FAM220A: variants seen among roughly 807,000 people sequenced by gnomAD.
FAM220A encodes protein FAM220A.
For synonymous variants in FAM220A, 141 were observed against 130.7 expected (o/e 1.08, Z -0.54); for missense variants, 392 against 321.6 (o/e 1.22, Z -1.68).
chr7:6,338,290 A>G (rs545557634), intron 1 of FAM220A, among the ~76,000 whole-genome samples: 1 of 152,302 alleles, frequency 6.6e-6, no homozygotes, highest in South Asian at 2.1e-4. Flanking sequence ...TGCTAGAGAT[A>G]TATTGTACCA....
At chr7:6,335,931 G>T (rs1378241133) in intron 1 of FAM220A, among the ~76,000 whole-genome samples, 3 of 152,024 alleles carry the variant, frequency 2.0e-5, no homozygotes, top group Admixed American at 2.0e-4. Flanking sequence ...CCAGCACTCT[G>T]GGAGGCCAAG....
At chr7:6,337,315 T>C (rs958734511) in intron 1 of FAM220A, among the ~76,000 whole-genome samples, 3 of 151,990 alleles carry the variant, frequency 2.0e-5, no homozygotes, top group Non-Finnish European at 4.4e-5. Context: ...AGATATGGGG[T>C]TTTACCATGA....
intron 1 of FAM220A, among the ~76,000 whole-genome samples, chr7:6,339,157 C>T (rs1304022137): frequency 6.6e-6 from 1 of 152,178 alleles, no homozygotes; most frequent in Admixed American, 6.6e-5. Context: ...CTGCTACTCG[C>T]CACTTGGCAC....
At chr7:6,342,125 C>G (rs748169394) in intron 1 of FAM220A, among the ~76,000 whole-genome samples, 2 of 152,168 alleles carry the variant, frequency 1.3e-5, no homozygotes, top group East Asian at 3.8e-4. Context: ...GTTCTAGGTG[C>G]TGGTATTAGG....
intron 1 of FAM220A, among the ~76,000 whole-genome samples, chr7:6,337,022 G>A (rs1029498472): frequency 6.6e-6 from 1 of 151,884 alleles, no homozygotes; most frequent in South Asian, 2.1e-4. Context: ...ATCCTTAAAC[G>A]GAAGGATTCC....
chr7:6,344,496 C>T (rs941893641), intron 1 of FAM220A, among the ~76,000 whole-genome samples: 6 of 152,066 alleles, frequency 3.9e-5, no homozygotes, highest in African/African-American at 1.2e-4. Context: ...AATTATAGCT[C>T]ACTGCCTCCT....
chr7:6,340,704 C>T (rs1209178268), intron 1 of FAM220A, among the ~76,000 whole-genome samples: 1 of 151,814 alleles, frequency 6.6e-6, no homozygotes, highest in Admixed American at 6.6e-5. Context: ...TCGAGACCAT[C>T]CTGGCTAACA....
At chr7:6,342,236 C>G (rs894988308) in intron 1 of FAM220A, among the ~76,000 whole-genome samples, 3 of 151,610 alleles carry the variant, frequency 2.0e-5, no homozygotes, top group Non-Finnish European at 4.4e-5. Flanking sequence ...CTCTCTCTCT[C>G]TTTCTGTCTT....
intron 1 of FAM220A, among the ~76,000 whole-genome samples, chr7:6,348,033 C>T: frequency 6.6e-6 from 1 of 151,588 alleles, no homozygotes; most frequent in Non-Finnish European, 1.5e-5. Context: ...GCCTCAGCCT[C>T]CCGAGTAGCT....
At chr7:6,342,640 A>G (rs931652411) in intron 1 of FAM220A, among the ~76,000 whole-genome samples, 2 of 152,206 alleles carry the variant, frequency 1.3e-5, no homozygotes, top group African/African-American at 4.8e-5. Context: ...CGATGTCCAC[A>G]CAAAGCTTAC....
At chr7:6,341,396 C>T (rs1188073364) in intron 1 of FAM220A, among the ~76,000 whole-genome samples, 1 of 150,456 alleles carries the variant, frequency 6.6e-6, no homozygotes, top group African/African-American at 2.5e-5. Context: ...GAGCGGAGAT[C>T]GCGCCACTGT....
chr7:6,343,406 ATATATATATATATATATAT>A (rs1288852095), intron 1 of FAM220A, among the ~76,000 whole-genome samples: 150 of 24,788 alleles, frequency 6.1e-3, no homozygotes, highest in Middle Eastern at 0.02. Context: ...TCATATATAT[ATATATATATATATATATAT>A]ATATATATAT....
chr7:6,343,851 C>T (rs186772195), intron 1 of FAM220A, among the ~76,000 whole-genome samples: 2 of 152,182 alleles, frequency 1.3e-5, no homozygotes, highest in Non-Finnish European at 2.9e-5. Context: ...GGCCTTATTA[C>T]TCATGAAACA....
At chr7:6,347,883 TTTATTATTATTATTATTATTA>T (rs143253434) in intron 1 of FAM220A, among the ~76,000 whole-genome samples, 6 of 131,538 alleles carry the variant, frequency 4.6e-5, no homozygotes, top group East Asian at 2.2e-4. Flanking sequence ...ACGAGACCCC[TTTATTATTATTATTATTATTA>T]TTATTATTAT....
intron 1 of FAM220A, among the ~76,000 whole-genome samples, chr7:6,333,866 CAG>C (rs1411653587): frequency 9.5e-6 from 1 of 105,514 alleles, no homozygotes; most frequent in African/African-American, 3.7e-5. Flanking sequence ...TTTTTTGAGA[CAG>C]AGTCTTGCTC....
rs754885594 is a variant in FAM220A, at chr7:6,331,069, C to G, written c.86G>C (p.Ser29Thr). ...GGGDSDKLSCSLKKRMPEGPW... is the reference protein window; with the variant it reads ...GGGDSDKLSCTLKKRMPEGPW... Reference sequence around the variant, plus strand: ...GCCCTCCGGCATTCTTTTCTTAAGGCTGCATGATAGTTTGTCCGAGTCACC... The same window carrying G: ...GCCCTCCGGCATTCTTTTCTTAAGGGTGCATGATAGTTTGTCCGAGTCACC... The change falls in exon 2 of 2, where the codon AGC becomes ACC. Residue 29 changes from serine (S) to threonine (T), a missense_variant. Transcript: ENST00000313324. The G allele has an allele frequency of 2.5e-6, 4 of 1,613,700 alleles. No individual in the cohort carries two copies. Among genetic ancestry groups the G allele is most frequent in the African/African-American group, 2.7e-5 (2 of 75,062 alleles).
At chr7:6,347,891 T>G (rs1781984479) in intron 1 of FAM220A, among the ~76,000 whole-genome samples, 1 of 142,490 alleles carries the variant, frequency 7.0e-6, no homozygotes, top group East Asian at 2.1e-4. Flanking sequence ...CCTTTATTAT[T>G]ATTATTATTA....
intron 1 of FAM220A, among the ~76,000 whole-genome samples, chr7:6,341,520 TA>T (rs1173313940): frequency 2.7e-5 from 4 of 148,210 alleles, no homozygotes; most frequent in African/African-American, 2.5e-5. Flanking sequence ...CTGCCTCTAC[TA>T]AAAAAAAATT....
chr7:6,348,862 G>C lies in FAM220A; in HGVS notation c.-371C>G. On this transcript the variant is annotated 5_prime_UTR_variant, in exon 1 of 2. Transcript: ENST00000313324. ...GTGCTCAGGGAGCGAAGGAGGCGGC[G>C]GCTAGACCGGCGGGCGGGCGGGCCG... 2.6e-6 allele frequency: 1 copy of C among 389,202 alleles called. No homozygotes were observed. Among genetic ancestry groups the C allele is most frequent in the Non-Finnish European group, 4.5e-6 (1 of 220,430 alleles). The allele number at this position is 389,202 out of a possible 1,614,324, so 24.1% of individuals were successfully genotyped here. A position where few individuals can be genotyped will look rare whatever the true frequency, so the allele number is the denominator to read the frequency against.
Sources: allele counts gnomAD v4.1 joint callset (sites outside exome capture counted in the v4.1 genomes callset), GRCh38; gene constraint gnomAD v4.1.1; transcripts MANE v1.5; gene names NCBI Gene and HGNC (gene_info 2026-07-23, HGNC 2026-07-21).